The following TM2D3 variants were observed in gnomAD, a reference collection of about 807,000 sequenced individuals.
The protein encoded by TM2D3 is TM2 domain-containing protein 3.
In TM2D3, 33 loss-of-function variants were observed where a neutral mutation model predicts 27.3. The observed-to-expected ratio is 1.21, with a 90% CI of 0.92 to 1.61. The LOEUF (loss-of-function observed/expected upper bound fraction) is 1.61. Among genes scored for constraint, TM2D3 ranks in the 40% most tolerant of loss-of-function variants. The pLI is 0.00. For missense variants in TM2D3, 364 were observed against 320.8 expected, an observed-to-expected ratio of 1.13 and a Z score of -1.03; for synonymous variants, 138 against 122.2, an observed-to-expected ratio of 1.13 and a Z score of -0.85.
At chr15:101,651,572 TA>T in intron 2 of TM2D3, 123 bp downstream of exon 2, 1 of 982,360 alleles carries the variant, frequency 1.0e-6, no homozygotes, top group Non-Finnish European at 1.6e-6. Context: ...TCACATAATC[TA>T]AAATACAATA....
At chr15:101,650,224 C>A in intron 2 of TM2D3, 63 bp from the exon 3 acceptor site, 1 of 1,525,164 alleles carries the variant, frequency 6.6e-7, no homozygotes, top group Non-Finnish European at 8.9e-7. Context: ...AGAGAACAAT[C>A]TTCTAAGGTT....
At chr15:101,647,907 TC>T (rs1403450556) in intron 3 of TM2D3, among the ~76,000 whole-genome samples, 6 of 152,104 alleles carry the variant, frequency 3.9e-5, no homozygotes, top group African/African-American at 9.7e-5. Context: ...TATTTTTTTT[TC>T]TTTTTTTGAG....
In TM2D3 at chr15:101,636,839, TTTTC is replaced by T. The variant is rs767691911; in HGVS notation, c.501-3115_501-3112del. 7.3e-5 allele frequency: 27 copies of T among 372,388 alleles called. 2 individuals are homozygous for T. The highest frequency in any genetic ancestry group is 4.8e-4 in the Middle Eastern group (1 of 2,096). 23.1% of individuals were successfully genotyped at this position (372,388 alleles called of 1,614,324 possible). A position where few individuals can be genotyped will look rare whatever the true frequency, so the allele number is the denominator to read the frequency against. On this transcript the variant is annotated intron_variant, in intron 4 of 4. Coordinates refer to the TM2D3 transcript ENST00000428002. ...ATTCTCATCAATACTTGTTATTGTG[TTTTC>T]TTTTTCTTTTATTTTTTAGAGACAG...
chr15:101,636,129 T>C (rs1301080119), intron 4 of TM2D3: 1 of 152,214 alleles, frequency 6.6e-6, no homozygotes, highest in East Asian at 1.9e-4. Flanking sequence ...TAGTATTCCA[T>C]TATATGAATG....
intron 4 of TM2D3, chr15:101,645,379 G>C (rs1896778156): frequency 1.8e-6 from 1 of 561,346 alleles, no homozygotes; most frequent in African/African-American, 1.9e-5. Context: ...AACATGAAAT[G>C]CTCACCCACA....
At chr15:101,652,220 G>A (rs1046162726) in intron 1 of TM2D3, 51 bp downstream of exon 1, 41 of 1,521,056 alleles carry the variant, frequency 2.7e-5, no homozygotes, top group Non-Finnish European at 3.6e-5. Context: ...AGCTCCCGGG[G>A]CCCTGCTGCC....
intron 4 of TM2D3, chr15:101,636,112 G>A (rs577652574): frequency 6.6e-6 from 1 of 152,222 alleles, no homozygotes; most frequent in South Asian, 2.1e-4. Flanking sequence ...TCCTTTATGT[G>A]ATGAAATAGT....
At chr15:101,651,362 G>A (rs978582826) in intron 2 of TM2D3, 4 of 277,410 alleles carry the variant, frequency 1.4e-5, no homozygotes, top group African/African-American at 9.0e-5. Flanking sequence ...CCAACATCAG[G>A]AACAGGGTTT....
chr15:101,640,805 T>A (rs1358976397), downstream of TM2D3, among the ~76,000 whole-genome samples: 1 of 152,234 alleles, frequency 6.6e-6, no homozygotes, highest in Non-Finnish European at 1.5e-5. Flanking sequence ...GGCTATGCCC[T>A]TGTGCAAACT....
chr15:101,638,955 C>A (rs1224114693), downstream of TM2D3, among the ~76,000 whole-genome samples: 1 of 152,212 alleles, frequency 6.6e-6, no homozygotes, highest in Non-Finnish European at 1.5e-5. Context: ...TGTGCACCTG[C>A]TGCATGGCCG....
intron 5 of TM2D3, among the ~76,000 whole-genome samples, chr15:101,643,419 G>A (rs567216846): frequency 3.3e-5 from 5 of 151,928 alleles, no homozygotes; most frequent in African/African-American, 4.8e-5. Flanking sequence ...TGGCTAACAC[G>A]GTGAAACCCT....
At chr15:101,651,610 G>T in intron 2 of TM2D3, 86 bp downstream of exon 2, 1 of 1,310,408 alleles carries the variant, frequency 7.6e-7, no homozygotes, top group Non-Finnish European at 1.1e-6. Context: ...AAGTGACTTC[G>T]TATACTAAAG....
chr15:101,642,711 A>G (rs1223310208), intron 5 of TM2D3, 67 bp from the exon 6 acceptor site: 4 of 1,374,494 alleles, frequency 2.9e-6, no homozygotes, highest in Middle Eastern at 2.3e-4. Flanking sequence ...GTCACGGTTT[A>G]ATCACCACAT....
At chr15:101,640,428 C>G (rs1896640684), downstream of TM2D3, among the ~76,000 whole-genome samples, 1 of 152,172 alleles carries the variant, frequency 6.6e-6, no homozygotes, top group Admixed American at 6.5e-5. Context: ...GCTTCCAGAA[C>G]TCTTAAGAAA....
At chr15:101,636,999 C>A, downstream of TM2D3, 2 of 333,440 alleles carry the variant, frequency 6.0e-6, no homozygotes, top group Non-Finnish European at 6.2e-6. Flanking sequence ...TCAAGAGGTC[C>A]TAAGAACATG....
chr15:101,652,164 G>A (rs1596270498), intron 1 of TM2D3, 107 bp downstream of exon 1: 1 of 1,080,490 alleles, frequency 9.3e-7, no homozygotes, highest in Non-Finnish European at 1.4e-6. Flanking sequence ...CCGGCACTCG[G>A]CCTCCTCCCC....
rs372498450 is a variant in TM2D3, at chr15:101,645,114, T to C, written c.551A>G (p.Tyr184Cys). Residue 184 changes from tyrosine to cysteine, a missense_variant, in exon 5 of 6, where the codon TAT (tyrosine) becomes TGT (cysteine). By Grantham distance (194) the Tyr-to-Cys change is radical. Transcript: ENST00000333202. ...TAGAGCCAGAGCCGTAGACCACTTA[T>C]AGCCTCCAGTCCAATTGCAATATAG... ...KMLYCNWTGG[Y>C]KWSTALALSI... 42 of 1,613,232 alleles carry C rather than the reference T, an allele frequency of 2.6e-5. No homozygotes were observed. Among genetic ancestry groups the C allele is most frequent in the East Asian group, 4.5e-5 (2 of 44,880 alleles).
chr15:101,643,190 T>C (rs1896712523), intron 5 of TM2D3, among the ~76,000 whole-genome samples: 4 of 152,192 alleles, frequency 2.6e-5, no homozygotes. Context: ...ACAGTACCCA[T>C]GACTCAGCTC....
chr15:101,633,092 G>A (rs964200718), exon 5 of TM2D3: 2 of 152,188 alleles, frequency 1.3e-5, no homozygotes, highest in Non-Finnish European at 2.9e-5. Context: ...TCAAGTATGA[G>A]GGTGAAATAA....
Sources: allele counts gnomAD v4.1 joint callset (sites outside exome capture counted in the v4.1 genomes callset), GRCh38; gene constraint gnomAD v4.1.1; transcripts MANE v1.5; gene names NCBI Gene and HGNC (gene_info 2026-07-23, HGNC 2026-07-21).